Variants in SRPK1 observed in about 807,000 individuals in gnomAD.
SRPK1 encodes SRSF protein kinase 1.
SRPK1 carries 52 observed loss-of-function variants against 89.5 expected under a neutral mutation model. The ratio of observed to expected loss-of-function variants is 0.58; its 90% confidence interval spans 0.46 to 0.73. SRPK1 has a LOEUF of 0.73. Among genes scored for constraint, SRPK1 ranks in the 30% least tolerant of loss-of-function variants. SRPK1 has a pLI of 0.00. For missense variants in SRPK1, 603 were observed against 780.6 expected, an observed-to-expected ratio of 0.77 and a Z score of 2.71; for synonymous variants, 255 against 270.2, an observed-to-expected ratio of 0.94 and a Z score of 0.55.
At chr6:35,911,911 T>C (rs1444701071) in intron 2 of SRPK1, among the ~76,000 whole-genome samples, 1 of 148,452 alleles carries the variant, frequency 6.7e-6, no homozygotes, top group Non-Finnish European at 1.5e-5. Context: ...TCAAACATCA[T>C]CGCATACTAC....
In SRPK1 at chr6:35,888,882, T is replaced by TC; in HGVS notation, c.234dup (p.Arg79GlufsTer34). 6.2e-7 allele frequency: 1 copy of TC among 1,613,330 alleles called. No individual in the cohort carries two copies. Among genetic ancestry groups the TC allele is most frequent in the Non-Finnish European group, 8.5e-7 (1 of 1,179,426 alleles). ...CCTAACTTTCGGATCACATGGTATCTCCCATTGAATAGATCTCCAATTTTC... is the reference window on the plus strand; with the variant it reads ...CCTAACTTTCGGATCACATGGTATCTCCCCATTGAATAGATCTCCAATTTTC... On this transcript the variant is annotated frameshift_variant, in exon 4 of 16. Transcript: ENST00000373825. LOFTEE classifies it high-confidence loss of function.
At chr6:35,884,766 C>T (rs537387363) in intron 6 of SRPK1, among the ~76,000 whole-genome samples, 19 of 152,020 alleles carry the variant, frequency 1.2e-4, no homozygotes, top group African/African-American at 4.1e-4. Flanking sequence ...TTTGGGAGGC[C>T]GAGGCGGGCA....
intron 12 of SRPK1, among the ~76,000 whole-genome samples, chr6:35,862,805 C>T (rs1769805944): frequency 6.6e-6 from 1 of 151,900 alleles, no homozygotes; most frequent in Non-Finnish European, 1.5e-5. Flanking sequence ...GAGAAATTTA[C>T]CAAGGTGACA....
intron 6 of SRPK1, among the ~76,000 whole-genome samples, chr6:35,881,742 C>T (rs1271093341): frequency 6.7e-6 from 1 of 149,774 alleles, no homozygotes; most frequent in Non-Finnish European, 1.5e-5. Context: ...ATTAAAAGAC[C>T]ACCAAACTAT....
In SRPK1 at chr6:35,852,543, G is replaced by A. The variant is rs1769577381; in HGVS notation, c.1620+4718C>T. Among the ~76,000 whole-genome samples the A allele has an allele frequency of 3.3e-5, 5 of 152,180 alleles. No homozygotes were observed. In the South Asian group the frequency reaches 1.0e-3, roughly 31 times the overall value. ...AATGGCATTCAAAATCCAGCCTCCAGTGACTTACTGCTGTTGAATAAAGGT... is the reference window on the plus strand; with the variant it reads ...AATGGCATTCAAAATCCAGCCTCCAATGACTTACTGCTGTTGAATAAAGGT... On this transcript the variant is annotated intron_variant, in intron 13 of 15. Coordinates refer to ENST00000373825, the MANE Select transcript of SRPK1 (RefSeq NM_003137.5).
intron 7 of SRPK1, among the ~76,000 whole-genome samples, chr6:35,873,952 G>A (rs551431104): frequency 2.8e-4 from 43 of 151,512 alleles, no homozygotes; most frequent in African/African-American, 1.0e-3. Flanking sequence ...TCAGCCTCCC[G>A]AGTAGCTTGG....
chr6:35,855,028 G>A (rs182702330), intron 13 of SRPK1, among the ~76,000 whole-genome samples: 19 of 152,244 alleles, frequency 1.2e-4, no homozygotes, highest in African/African-American at 2.9e-4. Context: ...TGGGCCCAGC[G>A]CGGTGGCTCA....
In SRPK1 at chr6:35,870,177, C is replaced by T. The variant is rs149834077; in HGVS notation, c.991+104G>A. The T allele has an allele frequency of 2.3e-3, 2,227 of 986,046 alleles. 6 individuals carry two copies. The highest frequency in any genetic ancestry group is 2.7e-3 in the Non-Finnish European group (1,860 of 677,754). 61.1% of individuals were successfully genotyped at this position (986,046 alleles called of 1,614,324 possible). ...CAAGATCCATATTCTTATAAAGATA[C>T]CCCCAGAGATGTGTTGTATGTATGA... On this transcript the variant is annotated intron_variant, in intron 10 of 15. Transcript: ENST00000373825.
intron 13 of SRPK1, among the ~76,000 whole-genome samples, chr6:35,851,670 C>T (rs752722178): frequency 3.3e-5 from 5 of 152,054 alleles, no homozygotes; most frequent in African/African-American, 4.8e-5. Flanking sequence ...GAAAATGTTA[C>T]ATTTGAGATA....
At chr6:35,917,061 A>AAAAACAAAAC (rs112199076) in intron 2 of SRPK1, among the ~76,000 whole-genome samples, 18 of 151,000 alleles carry the variant, frequency 1.2e-4, no homozygotes, top group Middle Eastern at 3.4e-3. Context: ...CTCTGTCTCA[A>AAAAACAAAAC]AAAACAAAAC....
intron 6 of SRPK1, among the ~76,000 whole-genome samples, chr6:35,885,099 G>T (rs1174516607): frequency 2.6e-5 from 4 of 152,120 alleles, no homozygotes; most frequent in Non-Finnish European, 5.9e-5. Context: ...AGATTTGAGA[G>T]TATTTCTATA....
chr6:35,910,141 A>G (rs9470169), intron 2 of SRPK1, among the ~76,000 whole-genome samples: 47,931 of 151,860 alleles, frequency 0.32, 7,794 homozygotes, highest in South Asian at 0.42. Context: ...GCGCCACCGC[A>G]CCCGACTAAT....
intron 15 of SRPK1, among the ~76,000 whole-genome samples, chr6:35,837,883 T>TG (rs1198851890): frequency 6.6e-6 from 1 of 151,446 alleles, no homozygotes; most frequent in Non-Finnish European, 1.5e-5. Context: ...TTTTTTTTTT[T>TG]GTGAGACAGA....
intron 12 of SRPK1, among the ~76,000 whole-genome samples, chr6:35,864,113 T>C (rs1354013467): frequency 6.6e-6 from 1 of 152,190 alleles, no homozygotes; most frequent in African/African-American, 2.4e-5. Flanking sequence ...TGGGAAAATC[T>C]CCAGGACACT....
intron 5 of SRPK1, among the ~76,000 whole-genome samples, chr6:35,887,230 TACAAGGCTCCTTATCTTGTC>T (rs1770430578): frequency 6.6e-6 from 1 of 152,174 alleles, no homozygotes; most frequent in Admixed American, 6.5e-5. Flanking sequence ...TTTGGGTAGG[TACAAGGCTCCTTATCTTGTC>T]ACAAACGGAC....
At chr6:35,857,853 C>T (rs1266223381) in intron 12 of SRPK1, among the ~76,000 whole-genome samples, 1 of 152,142 alleles carries the variant, frequency 6.6e-6, no homozygotes, top group Non-Finnish European at 1.5e-5. Flanking sequence ...GATGTTCTAC[C>T]TAGAGTATTT....
chr6:35,843,490 G>A (rs534871758), intron 13 of SRPK1, among the ~76,000 whole-genome samples: 4 of 151,950 alleles, frequency 2.6e-5, no homozygotes, highest in Non-Finnish European at 5.9e-5. Context: ...TTGCTCTGCC[G>A]GCCAGACTGG....
rs531855756 is a variant in SRPK1, at chr6:35,839,596, A to C, written c.1691-1167T>G. The stretch of plus-strand genomic sequence containing the variant: ...CTCTTAACCAGGAGGTGAGTCTGGG[A>C]CCAACCAGTACACACACCTCAGGTA... On this transcript the variant is annotated intron_variant, in intron 14 of 15. Transcript: ENST00000373825. Among the ~76,000 whole-genome samples the C allele has an allele frequency of 3.3e-5, 5 of 151,856 alleles. No homozygotes were observed. In the South Asian group the frequency reaches 8.3e-4, roughly 25 times the overall value.
chr6:35,915,330 C>T (rs1261581177), intron 2 of SRPK1, among the ~76,000 whole-genome samples: 3 of 147,768 alleles, frequency 2.0e-5, no homozygotes, highest in African/African-American at 5.0e-5. Context: ...TGGCATGAAC[C>T]CGGGAGGGGG....
Sources: gnomAD v4.1 joint callset for allele counts (sites outside exome capture counted in the v4.1 genomes callset) on GRCh38, gnomAD v4.1.1 for gene constraint, MANE v1.5 for transcripts, NCBI Gene and HGNC (gene_info 2026-07-23, HGNC 2026-07-21) for gene names.